SLC4A4: variants seen among roughly 807,000 people sequenced by gnomAD.
The protein encoded by SLC4A4 is solute carrier family 4 member 4, also known as electrogenic sodium bicarbonate cotransporter 1.
A neutral mutation model predicts 111.5 loss-of-function variants in SLC4A4; 27 were observed. The ratio of observed to expected loss-of-function variants is 0.24; its 90% CI spans 0.18 to 0.33. The LOEUF (loss-of-function observed/expected upper bound fraction) is 0.33, where lower values mean the gene tolerates loss of function less well. Among genes scored for constraint, SLC4A4 ranks in the 10% least tolerant of loss-of-function variants. The pLI is 1.00. For synonymous variants in SLC4A4, 443 were observed against 463.4 expected, an observed-to-expected ratio of 0.96 and a Z score of 0.57; for missense variants, 909 against 1,315.5, an observed-to-expected ratio of 0.69 and a Z score of 4.78.
chr4:71,447,646 G>A lies in SLC4A4; in HGVS notation c.966G>A (p.Arg322=). ...GALTEVPVPT[R]FLFILLGPKG... is the part of the protein sequence containing the mutation. Reference sequence around the variant, plus strand: ...CTTTGCTTCTTTCCTTTTCCATTAGGTTCTTGTTCATTCTCTTAGGTCCTA... The same window carrying A: ...CTTTGCTTCTTTCCTTTTCCATTAGATTCTTGTTCATTCTCTTAGGTCCTA... Residue 322 remains arginine (R), a splice_region_variant and synonymous_variant, in exon 9 of 26, where the codon AGG becomes AGA. Transcript: ENST00000264485. The A allele has an allele frequency of 6.2e-7, 1 of 1,601,584 alleles. No individual in the cohort carries two copies. Among genetic ancestry groups the A allele is most frequent in the South Asian group, 1.1e-5 (1 of 90,626 alleles).
intron 16 of SLC4A4, among the ~76,000 whole-genome samples, chr4:71,519,766 C>T (rs1477876109): frequency 1.3e-5 from 2 of 152,126 alleles, no homozygotes; most frequent in Non-Finnish European, 2.9e-5. Context: ...TCCTGAGTAG[C>T]TGGGTTTACA....
At chr4:71,333,813 C>T (rs758591520) in intron 3 of SLC4A4, among the ~76,000 whole-genome samples, 16 of 152,098 alleles carry the variant, frequency 1.1e-4, no homozygotes, top group Admixed American at 2.6e-4. Context: ...GCCACTGCCC[C>T]GTGCCTGGCT....
At chr4:71,519,646 A>T (rs1424017169) in intron 16 of SLC4A4, among the ~76,000 whole-genome samples, 3 of 151,370 alleles carry the variant, frequency 2.0e-5, no homozygotes, top group African/African-American at 7.3e-5. Flanking sequence ...TAAGAACATC[A>T]TTTTTTTTGA....
intron 16 of SLC4A4, among the ~76,000 whole-genome samples, chr4:71,510,700 C>T (rs1043486628): frequency 2.6e-5 from 4 of 152,116 alleles, no homozygotes; most frequent in African/African-American, 4.8e-5. Context: ...GAGAATTTAA[C>T]CCATTTACAT....
rs937374503 is a variant in SLC4A4, at chr4:71,378,418, G to A, written c.731-19159G>A. On this transcript the variant is annotated intron_variant, in intron 6 of 25. Transcript: ENST00000264485. ...GGATGAGGGCTTTTCACATAATGAGGGAGGGTTGCCAGTTCAAGGTCTACT... is the reference window on the plus strand; with the variant it reads ...GGATGAGGGCTTTTCACATAATGAGAGAGGGTTGCCAGTTCAAGGTCTACT... 2.0e-4 allele frequency among the ~76,000 whole-genome samples: 31 copies of A among 152,166 alleles called. 1 individual carries two copies. Among genetic ancestry groups the A allele is most frequent in the Admixed American group, 2.0e-3 (31 of 15,278 alleles).
At chr4:71,343,654 C>T (rs1199342677) in intron 4 of SLC4A4, among the ~76,000 whole-genome samples, 1 of 152,198 alleles carries the variant, frequency 6.6e-6, no homozygotes, top group Non-Finnish European at 1.5e-5. Context: ...TCAGAGATTT[C>T]ACTACATCTC....
chr4:71,367,109 C>T lies in SLC4A4; in HGVS notation c.730+9922C>T, dbSNP rs534608606. Reference sequence around the variant, plus strand: ...GCTCTGCCTCAATGGAGGCTGTATACGCAAAAAGAAATTTCCAGCTTTAGT... The same window carrying T: ...GCTCTGCCTCAATGGAGGCTGTATATGCAAAAAGAAATTTCCAGCTTTAGT... On this transcript the variant is annotated intron_variant, in intron 6 of 25. Coordinates refer to ENST00000264485, the MANE Select transcript of SLC4A4 (RefSeq NM_001098484.3). 7.9e-5 allele frequency among the ~76,000 whole-genome samples: 12 copies of T among 152,218 alleles called. No individual in the cohort carries two copies. In the South Asian group the frequency reaches 1.5e-3, roughly 18 times the overall value.
In SLC4A4 at chr4:71,359,025, A is replaced by G. The variant is rs573598783; in HGVS notation, c.730+1838A>G. Among the ~76,000 whole-genome samples, 5 of 152,348 alleles carry G rather than the reference A, an allele frequency of 3.3e-5. No individual in the cohort carries two copies. The South Asian group carries it at 8.3e-4, about 25-fold the overall frequency. On this transcript the variant is annotated intron_variant, in intron 6 of 25. Coordinates refer to ENST00000264485, the MANE Select transcript of SLC4A4 (RefSeq NM_001098484.3). ...CAAAAAGAAGTGGAATGAATATGGC[A>G]TGCAGGAGGCTTTCTACCAATATGA...
At chr4:71,409,777 T>G (rs1579035922) in intron 7 of SLC4A4, among the ~76,000 whole-genome samples, 1 of 152,108 alleles carries the variant, frequency 6.6e-6, no homozygotes, top group African/African-American at 2.4e-5. Context: ...GAGACCTTCA[T>G]GAAAGCCCCT....
intron 3 of SLC4A4, among the ~76,000 whole-genome samples, chr4:71,327,889 G>A (rs975494532): frequency 4.0e-5 from 6 of 151,604 alleles, no homozygotes; most frequent in African/African-American, 1.5e-4. Context: ...ATTATTCATT[G>A]TAGTCACCCT....
At chr4:71,491,937 C>T (rs1729965666) in intron 15 of SLC4A4, among the ~76,000 whole-genome samples, 1 of 151,140 alleles carries the variant, frequency 6.6e-6, no homozygotes, top group Admixed American at 6.6e-5. Flanking sequence ...TAATACAGAA[C>T]CTTTAATTAT....
intron 2 of SLC4A4, among the ~76,000 whole-genome samples, chr4:71,119,478 T>G (rs1311706997): frequency 6.6e-6 from 1 of 152,112 alleles, no homozygotes; most frequent in Non-Finnish European, 1.5e-5. Flanking sequence ...AACTCCTAGG[T>G]TCAAATGATC....
At chr4:71,337,281 A>G (rs947535072) in intron 3 of SLC4A4, among the ~76,000 whole-genome samples, 1 of 152,198 alleles carries the variant, frequency 6.6e-6, no homozygotes, top group Non-Finnish European at 1.5e-5. Context: ...TATCAGACTG[A>G]GCACCGTGAG....
intron 16 of SLC4A4, among the ~76,000 whole-genome samples, chr4:71,499,267 C>G (rs2149153788): frequency 6.6e-6 from 1 of 152,144 alleles, no homozygotes; most frequent in East Asian, 1.9e-4. Context: ...GCAAAATAAA[C>G]TAGTTTCAAC....
intron 6 of SLC4A4, among the ~76,000 whole-genome samples, chr4:71,387,999 G>T (rs1238261341): frequency 6.6e-6 from 1 of 152,150 alleles, no homozygotes; most frequent in Non-Finnish European, 1.5e-5. Context: ...TTGGCTTAGG[G>T]ACATTTACTG....
intron 2 of SLC4A4, among the ~76,000 whole-genome samples, chr4:71,147,065 C>CA (rs1189540418): frequency 5.9e-5 from 9 of 151,600 alleles, no homozygotes; most frequent in African/African-American, 9.7e-5. Context: ...AAATGGAAAA[C>CA]AAAAAAAGGC....
At chr4:71,208,443 A>AAATAT (rs1553962712) in intron 1 of SLC4A4, among the ~76,000 whole-genome samples, 13 of 144,838 alleles carry the variant, frequency 9.0e-5, no homozygotes, top group African/African-American at 3.3e-4. Context: ...AAAAAAAAAA[A>AAATAT]ATATATATAT....
chr4:71,369,456 G>C (rs1731649394), intron 6 of SLC4A4, among the ~76,000 whole-genome samples: 1 of 152,154 alleles, frequency 6.6e-6, no homozygotes, highest in South Asian at 2.1e-4. Context: ...CTGAACCTCA[G>C]TTTCCTCATG....
chr4:71,497,747 A>C, intron 16 of SLC4A4, 55 bp downstream of exon 16: 1 of 1,460,612 alleles, frequency 6.8e-7, no homozygotes, highest in East Asian at 2.3e-5. Context: ...ATCAACAATA[A>C]TACAACTTTA....
Sources: allele counts gnomAD v4.1 joint callset (sites outside exome capture counted in the v4.1 genomes callset), GRCh38; gene constraint gnomAD v4.1.1; transcripts MANE v1.5; gene names NCBI Gene and HGNC (gene_info 2026-07-23, HGNC 2026-07-21).